PWWP2B: variants seen among roughly 807,000 people sequenced by gnomAD.
PWWP2B encodes the protein PWWP domain-containing protein 2B.
PWWP2B carries 9 observed loss-of-function variants against 15.5 expected under a neutral mutation model. The ratio of observed to expected loss-of-function variants is 0.58; its 90% confidence interval spans 0.35 to 1.02. The LOEUF is 1.02. Ranked by LOEUF, PWWP2B falls within the 50% of genes least tolerant of loss-of-function variation. The pLI is 0.02. For missense variants in PWWP2B, 864 were observed against 865.3 expected (o/e 1.00, Z 0.02); for synonymous variants, 474 against 403.6 (o/e 1.17, Z -2.09).
At chr10:132,410,047 G>A (rs1000519981) in intron 2 of PWWP2B, among the ~76,000 whole-genome samples, 2 of 152,188 alleles carry the variant, frequency 1.3e-5, no homozygotes, top group Non-Finnish European at 2.9e-5. Context: ...AGATGGTCTT[G>A]TTATTATTTG....
In PWWP2B at chr10:132,404,952, C is replaced by G. The variant is rs753763879; in HGVS notation, c.452C>G (p.Thr151Arg). 6.3e-7 allele frequency: 1 copy of G among 1,592,460 alleles called. No individual in the cohort carries two copies. Among genetic ancestry groups the G allele is most frequent in the Non-Finnish European group, 8.5e-7 (1 of 1,176,822 alleles). The change falls in exon 2 of 3, where the codon ACG (threonine) becomes AGG (arginine). Residue 151 changes from threonine to arginine, a missense_variant. This residue lies in a region of PWWP2B where 736 missense variants were observed against 687.7 expected (regional missense o/e 1.07). Transcript: ENST00000305233. ...CCGCCGCCCAGGACCATCAAGCGCA[C>G]GCGGCGGCGTCTGTCCCGCAACCGC... The part of the protein sequence containing the change: ...PQPPPRTIKR[T>R]RRRLSRNRDP...
At chr10:132,403,489 G>A (rs993470281) in intron 1 of PWWP2B, among the ~76,000 whole-genome samples, 4 of 152,306 alleles carry the variant, frequency 2.6e-5, no homozygotes, top group East Asian at 1.9e-4. Flanking sequence ...TTCCTGACGC[G>A]CTCACAGCAG....
Position 132,409,182 on chromosome 10 carries a change from G to A in PWWP2B, c.*16+2893G>A, listed in dbSNP as rs115221115. ...GCACTCCACCCCGGTGGTCACGGCC[G>A]GCTCCAGGGCCTGTGAATGGCCTGT... On this transcript the variant is annotated intron_variant, in intron 2 of 2. Coordinates refer to ENST00000305233, the MANE Select transcript of PWWP2B (RefSeq NM_138499.4). Among the ~76,000 whole-genome samples the A allele has an allele frequency of 4.1e-3, 630 of 152,302 alleles. 3 individuals are homozygous for A. Among genetic ancestry groups the A allele is most frequent in the African/African-American group, 0.012 (496 of 41,578 alleles).
intron 1 of PWWP2B, among the ~76,000 whole-genome samples, chr10:132,398,752 G>A (rs113355447): frequency 2.0e-5 from 3 of 152,352 alleles, no homozygotes; most frequent in African/African-American, 7.2e-5. Flanking sequence ...ACTGGCAGCT[G>A]TAGGATGCAT....
At position 132,404,710 on chromosome 10, in the gene PWWP2B, C is replaced by G. The variant is rs754613107; in HGVS notation, c.210C>G (p.Pro70=). The G allele has an allele frequency of 6.2e-7, 1 of 1,612,096 alleles. No homozygotes were observed. Among genetic ancestry groups the G allele is most frequent in the Admixed American group, 1.7e-5 (1 of 59,984 alleles). The change falls in exon 2 of 3, where the codon CCC becomes CCG. Residue 70 remains proline, a synonymous_variant. Transcript: ENST00000305233. ...SPVNDSHGRA[P]EEGDAEVMQL... The stretch of plus-strand genomic sequence containing the variant: ...TCAACGACAGCCATGGCCGGGCTCC[C>G]GAGGAGGGGGATGCAGAGGTGATGC...
intron 2 of PWWP2B, among the ~76,000 whole-genome samples, chr10:132,413,368 C>T (rs2069806454): frequency 6.6e-6 from 1 of 152,172 alleles, no homozygotes; most frequent in South Asian, 2.1e-4. Flanking sequence ...CCTAGCACCT[C>T]CCACCAAGGA....
intron 2 of PWWP2B, among the ~76,000 whole-genome samples, chr10:132,415,392 C>T (rs2069834050): frequency 6.7e-6 from 1 of 149,264 alleles, no homozygotes; most frequent in Non-Finnish European, 1.5e-5. Flanking sequence ...CACTCATTTA[C>T]TCACACACAT....
chr10:132,402,914 G>A (rs746322817), intron 1 of PWWP2B, among the ~76,000 whole-genome samples: 27 of 152,340 alleles, frequency 1.8e-4, no homozygotes, highest in African/African-American at 5.5e-4. Flanking sequence ...GGTGTGGCCC[G>A]CTGGCCCCCG....
rs1353918834 is a variant in PWWP2B, at chr10:132,404,734, G to A, written c.234G>A (p.Met78Ile). Reference sequence around the variant, plus strand: ...CCGAGGAGGGGGATGCAGAGGTGATGCAGCTGGGGTCCAGCTCCCCCCCTC... The same window carrying A: ...CCGAGGAGGGGGATGCAGAGGTGATACAGCTGGGGTCCAGCTCCCCCCCTC... ...RAPEEGDAEVMQLGSSSPPPA... is the reference protein window; with the variant it reads ...RAPEEGDAEVIQLGSSSPPPA... Residue 78 changes from methionine (M) to isoleucine (I), a missense_variant, in exon 2 of 3, where the codon ATG (methionine) becomes ATA (isoleucine). Around this residue, in one of 2 missense-constraint regions of PWWP2B, gnomAD observed 736 missense variants for 687.7 expected, o/e 1.07. Coordinates refer to ENST00000305233, the MANE Select transcript of PWWP2B (RefSeq NM_138499.4). 1.2e-6 allele frequency: 2 copies of A among 1,608,908 alleles called. No homozygotes were observed. The highest frequency in any genetic ancestry group is 1.7e-6 in the Non-Finnish European group (2 of 1,178,284).
intron 2 of PWWP2B, among the ~76,000 whole-genome samples, chr10:132,416,824 G>A (rs901769888): frequency 3.3e-5 from 5 of 152,056 alleles, no homozygotes; most frequent in African/African-American, 7.2e-5. Context: ...TGTGGACTGC[G>A]GGACTTCAGG....
At chr10:132,415,377 ACT>A (rs755498432) in intron 2 of PWWP2B, among the ~76,000 whole-genome samples, 11 of 142,392 alleles carry the variant, frequency 7.7e-5, no homozygotes, top group Non-Finnish European at 1.5e-4. Context: ...CACACACGTC[ACT>A]CACACTCATT....
At chr10:132,408,731 C>T (rs117115122) in intron 2 of PWWP2B, among the ~76,000 whole-genome samples, 3 of 152,380 alleles carry the variant, frequency 2.0e-5, no homozygotes, top group Non-Finnish European at 4.4e-5. Context: ...ACCACGAGAT[C>T]GGCTCCGTTG....
rs866050762 is a variant in PWWP2B at position 132,397,342 on chromosome 10, G to A, written c.116G>A (p.Cys39Tyr). The change falls in exon 1 of 3, where the codon TGC (cysteine) becomes TAC (tyrosine). Residue 39 changes from cysteine to tyrosine, a missense_variant. Coordinates refer to ENST00000305233, the MANE Select transcript of PWWP2B (RefSeq NM_138499.4). Reference protein sequence around the residue: ...ERSFAGILLDCTKKSGLFGLP... With the variant: ...ERSFAGILLDYTKKSGLFGLP... ...AGCTTCGCGGGGATCCTGCTGGACTGCACGAAAAAGTGAGCGGGGGCGCGG... is the reference window on the plus strand; with the variant it reads ...AGCTTCGCGGGGATCCTGCTGGACTACACGAAAAAGTGAGCGGGGGCGCGG... 7.3e-7 allele frequency: 1 copy of A among 1,368,044 alleles called. No homozygotes were observed. The highest frequency in any genetic ancestry group is 2.0e-5 in the South Asian group (1 of 51,054). 84.7% of individuals were successfully genotyped at this position (1,368,044 alleles called of 1,614,324 possible).
chr10:132,413,496 A>C (rs1489632092), intron 2 of PWWP2B, among the ~76,000 whole-genome samples: 1 of 152,114 alleles, frequency 6.6e-6, no homozygotes, highest in African/African-American at 2.4e-5. Flanking sequence ...TCTCTGTGGC[A>C]AAGTCATGAC....
At chr10:132,397,878 C>T (rs1266651042) in intron 1 of PWWP2B, among the ~76,000 whole-genome samples, 3 of 152,086 alleles carry the variant, frequency 2.0e-5, no homozygotes, top group African/African-American at 4.8e-5. Flanking sequence ...GGCCAGGGAG[C>T]CCTGAGTCAT....
chr10:132,399,480 G>T (rs1246690010), intron 1 of PWWP2B, among the ~76,000 whole-genome samples: 4 of 152,276 alleles, frequency 2.6e-5, no homozygotes. Flanking sequence ...TTTGGGAGAT[G>T]GCATTCTCTC....
intron 2 of PWWP2B, among the ~76,000 whole-genome samples, chr10:132,415,986 C>T (rs1015945966): frequency 7.9e-5 from 12 of 152,376 alleles, no homozygotes; most frequent in African/African-American, 2.2e-4. Context: ...ACACGGCACA[C>T]GCCTGCAGGT....
At chr10:132,413,722 G>A (rs747102114) in intron 2 of PWWP2B, among the ~76,000 whole-genome samples, 1 of 152,150 alleles carries the variant, frequency 6.6e-6, no homozygotes, top group Non-Finnish European at 1.5e-5. Context: ...TCTCCTCCCC[G>A]CCCCTCGCCT....
chr10:132,401,017 C>T (rs998939637), intron 1 of PWWP2B, among the ~76,000 whole-genome samples: 3 of 152,228 alleles, frequency 2.0e-5, no homozygotes, highest in Non-Finnish European at 2.9e-5. Context: ...GTGCTCCTCC[C>T]GGCCATGGTC....
Sources: gnomAD v4.1 joint callset for allele counts (sites outside exome capture counted in the v4.1 genomes callset) on GRCh38, gnomAD v4.1.1 for gene constraint, gnomAD v4.1.1 regional missense constraint, MANE v1.5 for transcripts, NCBI Gene and HGNC (gene_info 2026-07-23, HGNC 2026-07-21) for gene names.